The following ATG4C variants were observed in gnomAD, a reference collection of about 807,000 sequenced individuals.
ATG4C encodes the protein autophagy related 4C cysteine peptidase, also known as cysteine protease ATG4C.
Under a neutral mutation model 57.6 loss-of-function variants are expected in ATG4C, and 56 were observed. That is an observed-to-expected ratio of 0.97 (90% CI 0.78 to 1.21). The LOEUF (loss-of-function observed/expected upper bound fraction) is 1.21. ATG4C is among the 50% of genes most tolerant of loss of function. ATG4C has a pLI of 0.00. For synonymous variants in ATG4C, 157 were observed against 174.1 expected (o/e 0.90, Z 0.78); for missense variants, 595 against 529.8 (o/e 1.12, Z -1.21).
intron 10 of ATG4C, among the ~76,000 whole-genome samples, chr1:62,852,513 G>A (rs1186818192): frequency 6.6e-6 from 1 of 151,782 alleles, no homozygotes; most frequent in South Asian, 2.1e-4. Flanking sequence ...AGTACTTGAG[G>A]ATTTAACTCT....
At chr1:62,856,883 G>A (rs1572177921) in intron 10 of ATG4C, among the ~76,000 whole-genome samples, 1 of 152,126 alleles carries the variant, frequency 6.6e-6, no homozygotes, top group African/African-American at 2.4e-5. Context: ...CTGTTTAAGG[G>A]AACAGTAAAA....
At chr1:62,796,491 G>C (rs567625565) in intron 1 of ATG4C, among the ~76,000 whole-genome samples, 2 of 152,060 alleles carry the variant, frequency 1.3e-5, no homozygotes, top group East Asian at 3.9e-4. Flanking sequence ...AGCTGAATCT[G>C]ATGTCTTTAA....
intron 1 of ATG4C, among the ~76,000 whole-genome samples, chr1:62,797,169 T>G (rs780954501): frequency 1.3e-5 from 2 of 152,174 alleles, no homozygotes; most frequent in Non-Finnish European, 2.9e-5. Context: ...TATGTATATA[T>G]GTACATGTGT....
intron 9 of ATG4C, chr1:62,835,415 G>T: frequency 2.9e-6 from 1 of 342,714 alleles, no homozygotes; most frequent in Non-Finnish European, 6.0e-6. Context: ...TTTTAATTCA[G>T]AAAAATTTGA....
chr1:62,810,361 A>G (rs1329427410), intron 3 of ATG4C, among the ~76,000 whole-genome samples: 1 of 152,216 alleles, frequency 6.6e-6, no homozygotes, highest in Non-Finnish European at 1.5e-5. Flanking sequence ...ACACATGTCT[A>G]GAGGTTACTG....
intron 1 of ATG4C, among the ~76,000 whole-genome samples, chr1:62,796,173 C>G (rs1016174725): frequency 7.7e-6 from 1 of 130,678 alleles, no homozygotes; most frequent in African/African-American, 2.9e-5. Context: ...TTTTTTTTAA[C>G]AAAAGCAGGC....
At chr1:62,858,964 T>C (rs913218760) in intron 10 of ATG4C, among the ~76,000 whole-genome samples, 9 of 152,190 alleles carry the variant, frequency 5.9e-5, no homozygotes, top group Non-Finnish European at 1.2e-4. Context: ...TGCTTAATGA[T>C]GGGGATACAT....
intron 1 of ATG4C, among the ~76,000 whole-genome samples, chr1:62,798,761 C>T (rs1186683282): frequency 6.6e-6 from 1 of 151,994 alleles, no homozygotes; most frequent in Non-Finnish European, 1.5e-5. Context: ...TCTCCTGCCT[C>T]AGCCTCCTGA....
chr1:62,848,580 C>G (rs1666397891), intron 10 of ATG4C, among the ~76,000 whole-genome samples: 1 of 152,086 alleles, frequency 6.6e-6, no homozygotes, highest in African/African-American at 2.4e-5. Context: ...AAATATAATG[C>G]AAATAATTTT....
At chr1:62,842,763 A>T (rs772229489) in intron 10 of ATG4C, among the ~76,000 whole-genome samples, 1 of 152,232 alleles carries the variant, frequency 6.6e-6, no homozygotes, top group Admixed American at 6.5e-5. Flanking sequence ...GAGGAAAGGA[A>T]CAAATGAGAT....
intron 4 of ATG4C, among the ~76,000 whole-genome samples, chr1:62,817,267 A>G (rs187128908): frequency 3.3e-5 from 5 of 152,304 alleles, no homozygotes; most frequent in Admixed American, 2.0e-4. Context: ...CTACATGTCA[A>G]TAATGGTTTA....
chr1:62,843,555 A>G (rs905615355), intron 10 of ATG4C, among the ~76,000 whole-genome samples: 3 of 152,158 alleles, frequency 2.0e-5, no homozygotes, highest in Non-Finnish European at 2.9e-5. Context: ...TCTGTATAAG[A>G]TGTATCTTTT....
intron 7 of ATG4C, among the ~76,000 whole-genome samples, chr1:62,831,252 A>G (rs573190174): frequency 6.6e-6 from 1 of 152,132 alleles, no homozygotes; most frequent in South Asian, 2.1e-4. Context: ...GGTTGAGTCA[A>G]ACCCCAATGA....
rs201685263 is a variant in ATG4C, at chr1:62,805,251, T to C, written c.156T>C (p.Tyr52=). ...LLLGKCYHFK[Y]EDEDKTLPAE... is the part of the protein sequence containing the mutation. ...TTGGAAAATGTTACCATTTTAAATA[T>C]GAAGGTAAGTACAAAATTTGTAAAC... Residue 52 remains tyrosine (Y), a synonymous_variant, in exon 3 of 11, where the codon TAT becomes TAC. Transcript: ENST00000317868. 2.6e-6 allele frequency: 4 copies of C among 1,516,128 alleles called. No individual in the cohort carries two copies. The East Asian group carries it at 1.0e-4, about 39-fold the overall frequency. 93.9% of individuals were successfully genotyped at this position (1,516,128 alleles called of 1,614,324 possible).
chr1:62,828,977 A>C, intron 6 of ATG4C, 63 bp from the exon 7 acceptor site: 3 of 1,468,282 alleles, frequency 2.0e-6, no homozygotes, highest in Non-Finnish European at 2.8e-6. Flanking sequence ...AAATTTGGGT[A>C]AAAATATTTC....
At chr1:62,788,211 G>A (rs1664151578) in intron 1 of ATG4C, among the ~76,000 whole-genome samples, 1 of 152,124 alleles carries the variant, frequency 6.6e-6, no homozygotes, top group Admixed American at 6.5e-5. Context: ...GTGAAGAGTA[G>A]TTAGGCTTTA....
At chr1:62,819,507 T>C (rs549110581) in intron 5 of ATG4C, among the ~76,000 whole-genome samples, 172 bp downstream of exon 5, 5 of 152,198 alleles carry the variant, frequency 3.3e-5, no homozygotes, top group East Asian at 1.9e-4. Flanking sequence ...ATTGCGACTC[T>C]AGTTACATTT....
intron 8 of ATG4C, 136 bp from the exon 9 acceptor site, chr1:62,834,640 T>C: frequency 1.5e-6 from 1 of 652,632 alleles, no homozygotes; most frequent in South Asian, 2.0e-5. Context: ...CAAACCTATG[T>C]TTCAGTCAAT....
chr1:62,806,845 AT>A (rs1225371135), intron 3 of ATG4C, among the ~76,000 whole-genome samples: 1 of 152,234 alleles, frequency 6.6e-6, no homozygotes, highest in African/African-American at 2.4e-5. Flanking sequence ...ACACATTATC[AT>A]TGCAAGAGCT....
Sources: allele counts gnomAD v4.1 joint callset (sites outside exome capture counted in the v4.1 genomes callset), GRCh38; gene constraint gnomAD v4.1.1; transcripts MANE v1.5; gene names NCBI Gene and HGNC (gene_info 2026-07-23, HGNC 2026-07-21).